Variants in SUMF1 observed in about 807,000 individuals in gnomAD.
The protein encoded by SUMF1 is sulfatase modifying factor 1.
Under a neutral mutation model 47.6 loss-of-function variants are expected in SUMF1, and 48 were observed. The observed-to-expected ratio is 1.01, with a 90% CI of 0.80 to 1.28. The LOEUF is 1.28. Ranked by LOEUF, SUMF1 falls within the 50% of genes most tolerant of loss-of-function variation. The probability of loss-of-function intolerance (pLI) is 0.00; values close to 1 mark genes in which losing one functional copy is unlikely to be tolerated. For missense variants in SUMF1, 571 were observed against 485.4 expected (o/e 1.18, Z -1.66); for synonymous variants, 230 against 192.1 (o/e 1.20, Z -1.63).
At chr3:4,395,925 G>C (rs139075904) in intron 7 of SUMF1, among the ~76,000 whole-genome samples, 1 of 152,268 alleles carries the variant, frequency 6.6e-6, no homozygotes, top group Non-Finnish European at 1.5e-5. Context: ...ATTACAGTTG[G>C]ATATTGTTTT....
chr3:4,069,312 T>A (rs73119836), intron 8 of SUMF1, among the ~76,000 whole-genome samples: 1,669 of 152,186 alleles, frequency 0.011, 32 homozygotes, highest in African/African-American at 0.033. Flanking sequence ...TGCAAGTAGG[T>A]CCCACTTCGA....
chr3:4,140,363 C>G (rs145889807), intron 8 of SUMF1, among the ~76,000 whole-genome samples: 127 of 152,136 alleles, frequency 8.3e-4, no homozygotes, highest in African/African-American at 2.9e-3. Context: ...CCTTGAAAAT[C>G]ATTTTTAAAA....
At chr3:4,066,478 C>T (rs766973530) in intron 9 of SUMF1, among the ~76,000 whole-genome samples, 5 of 152,054 alleles carry the variant, frequency 3.3e-5, no homozygotes, top group African/African-American at 9.7e-5. Flanking sequence ...TTGAAACTTA[C>T]ATTTGTCTTA....
chr3:4,414,586 TAG>T (rs1701647661), intron 6 of SUMF1: 1 of 152,258 alleles, frequency 6.6e-6, no homozygotes, highest in African/African-American at 2.4e-5. Context: ...CTTTCTCCTC[TAG>T]TCCTGTTTGT....
intron 8 of SUMF1, among the ~76,000 whole-genome samples, chr3:4,073,405 C>T (rs1303766700): frequency 6.6e-6 from 1 of 152,136 alleles, no homozygotes; most frequent in Non-Finnish European, 1.5e-5. Context: ...AGACCATCAA[C>T]TCTATGAAGA....
At chr3:4,313,178 C>T (rs746079872) in intron 8 of SUMF1, 70 of 1,613,800 alleles carry the variant, frequency 4.3e-5, no homozygotes, top group South Asian at 4.0e-4. Context: ...GTGTTCAAGA[C>T]GCATAAAAAA....
intron 3 of SUMF1, among the ~76,000 whole-genome samples, chr3:4,428,678 C>T (rs1023725507): frequency 4.6e-5 from 7 of 151,250 alleles, no homozygotes; most frequent in East Asian, 2.0e-4. Context: ...ATGTCTGAAA[C>T]GTCTACAGCG....
chr3:4,347,770 C>T (rs1248699917), intron 8 of SUMF1, among the ~76,000 whole-genome samples: 1 of 152,114 alleles, frequency 6.6e-6, no homozygotes, highest in Admixed American at 6.5e-5. Context: ...CATGATTTCA[C>T]GTTTAGAAAA....
At chr3:4,339,430 T>C (rs904085835) in intron 8 of SUMF1, among the ~76,000 whole-genome samples, 6 of 152,026 alleles carry the variant, frequency 3.9e-5, no homozygotes, top group African/African-American at 1.4e-4. Flanking sequence ...AAAGGAGGAG[T>C]TGGGCTGCAA....
chr3:4,043,538 C>G (rs1694947396), intron 9 of SUMF1, among the ~76,000 whole-genome samples: 1 of 152,112 alleles, frequency 6.6e-6, no homozygotes, highest in Non-Finnish European at 1.5e-5. Context: ...AAGCCACCCC[C>G]CATTCCTCTC....
chr3:4,416,957 T>C (rs1180313440), intron 6 of SUMF1, among the ~76,000 whole-genome samples, 171 bp downstream of exon 6: 1 of 152,216 alleles, frequency 6.6e-6, no homozygotes, highest in Non-Finnish European at 1.5e-5. Flanking sequence ...AAATCCATTA[T>C]ACAAAAAGAA....
At chr3:4,217,412 T>G (rs1695949235) in intron 8 of SUMF1, among the ~76,000 whole-genome samples, 1 of 144,946 alleles carries the variant, frequency 6.9e-6, no homozygotes. Context: ...ATACCTAATG[T>G]AGGTGACAGG....
intron 8 of SUMF1, among the ~76,000 whole-genome samples, chr3:4,108,228 G>A (rs1391387215): frequency 6.6e-6 from 1 of 152,090 alleles, no homozygotes; most frequent in Non-Finnish European, 1.5e-5. Flanking sequence ...CCATGTAGTT[G>A]AGCAGTTTTG....
At chr3:4,166,207 T>G (rs577604390) in intron 8 of SUMF1, among the ~76,000 whole-genome samples, 1 of 152,266 alleles carries the variant, frequency 6.6e-6, no homozygotes, top group African/African-American at 2.4e-5. Context: ...GTCCTAAGCA[T>G]TTTCCCCTGT....
At chr3:4,456,715 T>TATATAC (rs1553589060) in intron 1 of SUMF1, among the ~76,000 whole-genome samples, 1 of 137,680 alleles carries the variant, frequency 7.3e-6, no homozygotes, top group African/African-American at 2.8e-5. Context: ...CGTATATATA[T>TATATAC]ACATATATAT....
chr3:4,334,653 A>C (rs1699110335), intron 8 of SUMF1, among the ~76,000 whole-genome samples: 1 of 152,240 alleles, frequency 6.6e-6, no homozygotes, highest in African/African-American at 2.4e-5. Context: ...GTACCCTAAA[A>C]GACATTCACA....
At chr3:4,131,495 G>A (rs1426010505) in intron 8 of SUMF1, among the ~76,000 whole-genome samples, 1 of 152,178 alleles carries the variant, frequency 6.6e-6, no homozygotes, top group East Asian at 1.9e-4. Context: ...CATCCCTGAA[G>A]CACAGCAGTG....
At chr3:4,225,018 C>T (rs1696143643) in intron 8 of SUMF1, among the ~76,000 whole-genome samples, 1 of 152,070 alleles carries the variant, frequency 6.6e-6, no homozygotes, top group Non-Finnish European at 1.5e-5. Flanking sequence ...ACAAAAACTC[C>T]TCCACTCACA....
intron 8 of SUMF1, among the ~76,000 whole-genome samples, chr3:4,229,136 AG>A (rs1224848969): frequency 6.6e-6 from 1 of 152,170 alleles, no homozygotes; most frequent in African/African-American, 2.4e-5. Context: ...ACATACATAC[AG>A]ATAAGTAAAA....
Sources: allele counts gnomAD v4.1 joint callset (sites outside exome capture counted in the v4.1 genomes callset), GRCh38; gene constraint gnomAD v4.1.1; transcripts MANE v1.5; gene names NCBI Gene and HGNC (gene_info 2026-07-23, HGNC 2026-07-21).